The following HTR3B variants were observed in gnomAD, a reference collection of about 807,000 sequenced individuals.
HTR3B encodes the protein 5-hydroxytryptamine receptor 3B.
HTR3B carries 44 observed loss-of-function variants against 42.8 expected under a neutral mutation model. That is an observed-to-expected ratio of 1.03 (90% CI 0.81 to 1.32). The LOEUF (loss-of-function observed/expected upper bound fraction) is 1.32, where lower values mean the gene tolerates loss of function less well. Among genes scored for constraint, HTR3B ranks in the 40% most tolerant of loss-of-function variants. HTR3B has a pLI of 0.00. For missense variants in HTR3B, 527 were observed against 536.5 expected, an observed-to-expected ratio of 0.98 and a Z score of 0.17; for synonymous variants, 203 against 209.0, an observed-to-expected ratio of 0.97 and a Z score of 0.25.
At chr11:113,900,892 C>T (rs1949693023), upstream of HTR3B, among the ~76,000 whole-genome samples, 1 of 151,982 alleles carries the variant, frequency 6.6e-6, no homozygotes, top group African/African-American at 2.4e-5. Flanking sequence ...GGAAGCGCCA[C>T]ACTTTTAAAC....
At chr11:113,911,527 G>C (rs569246508) in intron 2 of HTR3B, among the ~76,000 whole-genome samples, 10 of 150,952 alleles carry the variant, frequency 6.6e-5, no homozygotes, top group African/African-American at 2.2e-4. Flanking sequence ...ACCACACCCG[G>C]CTATTTATTT....
chr11:113,909,453 G>T lies in HTR3B; in HGVS notation c.211G>T (p.Val71Leu), dbSNP rs1314767119. ...CCTGTTCGTCCATGCTATATTGGATGTGGTAAGGACCATCTTGCCCCTTCC... is the reference window on the plus strand; with the variant it reads ...CCTGTTCGTCCATGCTATATTGGATTTGGTAAGGACCATCTTGCCCCTTCC... ...LDLFVHAILD[V>L]DAENQILKTS... Residue 71 changes from valine (V) to leucine (L), a missense_variant and splice_region_variant, in exon 2 of 9, where the codon GTG becomes TTG. Physicochemically the swap from Val to Leu is conservative, Grantham distance 32. Coordinates refer to ENST00000260191, the MANE Select transcript of HTR3B (RefSeq NM_006028.5). The T allele has an allele frequency of 5.6e-6, 9 of 1,613,698 alleles. No homozygotes were observed. Among genetic ancestry groups the T allele is most frequent in the Non-Finnish European group, 1.7e-6 (2 of 1,179,842 alleles).
intron 2 of HTR3B, among the ~76,000 whole-genome samples, chr11:113,928,477 C>T (rs945556055): frequency 1.3e-5 from 2 of 152,178 alleles, no homozygotes; most frequent in Non-Finnish European, 2.9e-5. Context: ...CTGTGACTGG[C>T]TTATTTCACT....
intron 2 of HTR3B, among the ~76,000 whole-genome samples, chr11:113,929,744 T>C (rs138509134): frequency 5.9e-5 from 9 of 152,286 alleles, no homozygotes; most frequent in Admixed American, 2.6e-4. Context: ...TTTATTTTTA[T>C]TTTTTAGAGA....
At chr11:113,927,944 C>T (rs933287023) in intron 2 of HTR3B, among the ~76,000 whole-genome samples, 8 of 152,124 alleles carry the variant, frequency 5.3e-5, no homozygotes, top group African/African-American at 9.7e-5. Flanking sequence ...CATAGGTAAA[C>T]GTGTGCCATG....
intron 6 of HTR3B, among the ~76,000 whole-genome samples, chr11:113,940,938 G>A (rs946904535): frequency 2.0e-5 from 3 of 152,170 alleles, no homozygotes; most frequent in Non-Finnish European, 4.4e-5. Flanking sequence ...ATCTTGTCCC[G>A]GGAAAAAGCA....
chr11:113,920,658 G>A (rs1949903633), intron 2 of HTR3B, among the ~76,000 whole-genome samples: 1 of 152,048 alleles, frequency 6.6e-6, no homozygotes, highest in Admixed American at 6.6e-5. Context: ...ACAGGCATGA[G>A]CTACTGTGCA....
intron 6 of HTR3B, among the ~76,000 whole-genome samples, chr11:113,940,299 T>C (rs1950124062): frequency 6.6e-6 from 1 of 152,216 alleles, no homozygotes; most frequent in Admixed American, 6.5e-5. Context: ...CTAGGGAGTG[T>C]TCCCATTTCT....
intron 8 of HTR3B, among the ~76,000 whole-genome samples, chr11:113,945,003 C>T (rs1950166008): frequency 1.3e-5 from 2 of 152,034 alleles, no homozygotes; most frequent in African/African-American, 4.8e-5. Context: ...CAGGGTTTTG[C>T]CATGTTGCGC....
chr11:113,932,694 TC>T (rs1199128233), intron 5 of HTR3B, among the ~76,000 whole-genome samples: 4 of 152,156 alleles, frequency 2.6e-5, no homozygotes, highest in African/African-American at 7.2e-5. Flanking sequence ...ATTATAGAAA[TC>T]GCAGGCAAGC....
chr11:113,902,335 C>T (rs970741561), upstream of HTR3B, among the ~76,000 whole-genome samples: 2 of 151,792 alleles, frequency 1.3e-5, no homozygotes, highest in African/African-American at 4.8e-5. Flanking sequence ...CTCATTCTGT[C>T]GCCCAGGCTG....
intron 2 of HTR3B, among the ~76,000 whole-genome samples, chr11:113,928,087 T>C (rs1240664042): frequency 6.6e-6 from 1 of 152,140 alleles, no homozygotes; most frequent in African/African-American, 2.4e-5. Context: ...TCCGTGTCCA[T>C]GTGTTCTCAT....
At chr11:113,911,561 C>G (rs1949793660) in intron 2 of HTR3B, among the ~76,000 whole-genome samples, 1 of 151,930 alleles carries the variant, frequency 6.6e-6, no homozygotes, top group Admixed American at 6.6e-5. Flanking sequence ...GAGTCTCACT[C>G]TGTTGCCCAG....
upstream of HTR3B, among the ~76,000 whole-genome samples, chr11:113,903,395 A>G (rs1301778681): frequency 6.6e-6 from 1 of 151,554 alleles, no homozygotes; most frequent in African/African-American, 2.4e-5. Flanking sequence ...ATGTGCAAAC[A>G]CACATTACAT....
intron 2 of HTR3B, among the ~76,000 whole-genome samples, chr11:113,912,060 T>C (rs1005950037): frequency 1.3e-5 from 2 of 152,190 alleles, no homozygotes; most frequent in African/African-American, 4.8e-5. Flanking sequence ...TATGTTGCGG[T>C]GTGTATCAGC....
At chr11:113,935,339 C>G (rs911843113) in intron 6 of HTR3B, among the ~76,000 whole-genome samples, 2 of 151,954 alleles carry the variant, frequency 1.3e-5, no homozygotes, top group Admixed American at 6.5e-5. Context: ...ATTTCATGCT[C>G]TTGGAACTTT....
chr11:113,902,814 G>A (rs1949704700), upstream of HTR3B, among the ~76,000 whole-genome samples: 1 of 152,144 alleles, frequency 6.6e-6, no homozygotes, highest in African/African-American at 2.4e-5. Flanking sequence ...TGTCTCTTTA[G>A]TCTGATAGGT....
upstream of HTR3B, among the ~76,000 whole-genome samples, chr11:113,901,844 A>G (rs1949699574): frequency 6.6e-6 from 1 of 152,224 alleles, no homozygotes. Flanking sequence ...CATGGCAAGA[A>G]TGCAATGTCG....
chr11:113,929,411 C>T (rs1234323295), intron 2 of HTR3B, among the ~76,000 whole-genome samples: 1 of 151,966 alleles, frequency 6.6e-6, no homozygotes, highest in Non-Finnish European at 1.5e-5. Flanking sequence ...TGGTGAGAGC[C>T]CACTTTCTGA....
Sources: allele counts gnomAD v4.1 joint callset (sites outside exome capture counted in the v4.1 genomes callset), GRCh38; gene constraint gnomAD v4.1.1; transcripts MANE v1.5; gene names NCBI Gene and HGNC (gene_info 2026-07-23, HGNC 2026-07-21).